The following SMYD3 variants were observed in gnomAD, a reference collection of about 807,000 sequenced individuals.
SMYD3 encodes SET and MYND domain containing 3.
In SMYD3, 36 loss-of-function variants were observed where a neutral mutation model predicts 57.7. The observed-to-expected ratio is 0.62, with a 90% CI of 0.48 to 0.82. SMYD3 has a LOEUF of 0.82. Among genes scored for constraint, SMYD3 ranks in the 40% least tolerant of loss-of-function variants. The probability of loss-of-function intolerance (pLI) is 0.00; values close to 1 mark genes in which losing one functional copy is unlikely to be tolerated. For missense variants in SMYD3, 515 were observed against 538.8 expected (o/e 0.96, Z 0.44); for synonymous variants, 211 against 195.0 (o/e 1.08, Z -0.68).
chr1:245,856,735 G>C (rs527498880), intron 10 of SMYD3, among the ~76,000 whole-genome samples: 2 of 152,326 alleles, frequency 1.3e-5, no homozygotes, highest in East Asian at 1.9e-4. Context: ...AGAGTGGCCC[G>C]AGCAGGGCAG....
At chr1:245,968,004 C>T (rs1186480638) in intron 5 of SMYD3, among the ~76,000 whole-genome samples, 3 of 152,142 alleles carry the variant, frequency 2.0e-5, no homozygotes, top group African/African-American at 7.2e-5. Flanking sequence ...CAGTACACTA[C>T]AATATTTATT....
intron 5 of SMYD3, among the ~76,000 whole-genome samples, chr1:246,301,155 A>C (rs2064886853): frequency 1.3e-5 from 2 of 152,200 alleles, no homozygotes; most frequent in South Asian, 4.1e-4. Context: ...TATTAAGCAT[A>C]AATGGGAACT....
At chr1:246,060,393 A>G (rs2060230882) in intron 5 of SMYD3, among the ~76,000 whole-genome samples, 1 of 152,132 alleles carries the variant, frequency 6.6e-6, no homozygotes, top group Admixed American at 6.5e-5. Flanking sequence ...AGTTCCATAC[A>G]TTTATATGTG....
intron 10 of SMYD3, among the ~76,000 whole-genome samples, chr1:245,816,268 C>A (rs753110513): frequency 2.7e-4 from 41 of 152,062 alleles, no homozygotes; most frequent in Admixed American, 1.6e-3. Flanking sequence ...ACGGCAGCAG[C>A]AAACTCCCCA....
chr1:246,348,060 T>TTATATATATATATATATATATATATATA (rs200573424), intron 2 of SMYD3, among the ~76,000 whole-genome samples: 54 of 82,908 alleles, frequency 6.5e-4, no homozygotes, highest in Admixed American at 8.8e-4. Flanking sequence ...AAAGAAAACG[T>TTATATATATATATATATATATATATATA]TATATATATA....
chr1:245,893,821 A>G (rs1302969798), intron 8 of SMYD3, among the ~76,000 whole-genome samples: 1 of 152,198 alleles, frequency 6.6e-6, no homozygotes, highest in African/African-American at 2.4e-5. Context: ...ACTGTACACT[A>G]AAAAGGGTGA....
At chr1:246,159,030 G>A (rs541103558) in intron 5 of SMYD3, among the ~76,000 whole-genome samples, 22 of 152,196 alleles carry the variant, frequency 1.4e-4, no homozygotes, top group African/African-American at 2.9e-4. Flanking sequence ...CACCACGAGC[G>A]TGTGGAAGAA....
intron 5 of SMYD3, among the ~76,000 whole-genome samples, chr1:246,247,555 CT>C (rs2063729486): frequency 6.6e-6 from 1 of 150,766 alleles, no homozygotes; most frequent in Admixed American, 6.6e-5. Context: ...ATTAATATCT[CT>C]TGTGCGTGGG....
chr1:246,361,994 T>C (rs531139878), intron 1 of SMYD3, among the ~76,000 whole-genome samples: 2 of 152,164 alleles, frequency 1.3e-5, no homozygotes, highest in Admixed American at 6.5e-5. Flanking sequence ...CGCATGGCCC[T>C]GGACCCATAG....
intron 1 of SMYD3, among the ~76,000 whole-genome samples, chr1:246,414,386 A>G (rs1416396239): frequency 6.6e-6 from 1 of 152,220 alleles, no homozygotes; most frequent in Non-Finnish European, 1.5e-5. Flanking sequence ...CCCTGAAGCA[A>G]GCATTGGACA....
At chr1:246,431,058 G>A (rs1480796782) in intron 1 of SMYD3, among the ~76,000 whole-genome samples, 1 of 152,168 alleles carries the variant, frequency 6.6e-6, no homozygotes, top group Non-Finnish European at 1.5e-5. Context: ...CAAGGATGGG[G>A]TAGTCCACAC....
chr1:246,495,195 A>G (rs1421466734), intron 1 of SMYD3, among the ~76,000 whole-genome samples: 1 of 151,804 alleles, frequency 6.6e-6, no homozygotes, highest in African/African-American at 2.4e-5. Flanking sequence ...TAAAAATACA[A>G]AAAATTAGCC....
chr1:245,813,887 T>C (rs1271709111), intron 10 of SMYD3, among the ~76,000 whole-genome samples: 1 of 24,318 alleles, frequency 4.1e-5, no homozygotes, highest in Non-Finnish European at 9.0e-5. Flanking sequence ...TATATATATA[T>C]ATATATATAT....
intron 5 of SMYD3, among the ~76,000 whole-genome samples, chr1:246,173,543 C>A (rs970672517): frequency 2.0e-5 from 3 of 152,076 alleles, no homozygotes; most frequent in South Asian, 2.1e-4. Context: ...TTTTTTATAA[C>A]CTTATTCTAT....
intron 1 of SMYD3, among the ~76,000 whole-genome samples, chr1:246,444,502 G>T (rs996774416): frequency 6.6e-6 from 1 of 152,160 alleles, no homozygotes; most frequent in South Asian, 2.1e-4. Context: ...ATCAAATATT[G>T]TAAGATTTGT....
intron 9 of SMYD3, among the ~76,000 whole-genome samples, chr1:245,860,315 C>G (rs192043038): frequency 5.9e-5 from 9 of 152,308 alleles, no homozygotes; most frequent in Admixed American, 5.9e-4. Context: ...ATGGTCCCCT[C>G]TCCCTCTCTG....
chr1:246,210,579 G>C (rs374994152), intron 5 of SMYD3, among the ~76,000 whole-genome samples: 1 of 151,862 alleles, frequency 6.6e-6, no homozygotes, highest in Non-Finnish European at 1.5e-5. Flanking sequence ...GCGTGGTTGC[G>C]GGCACCTGTA....
intron 1 of SMYD3, among the ~76,000 whole-genome samples, chr1:246,464,244 A>G (rs2103042341): frequency 6.6e-6 from 1 of 152,234 alleles, no homozygotes; most frequent in East Asian, 1.9e-4. Flanking sequence ...GGCCTGGTGC[A>G]GTGGCTCACT....
chr1:246,108,720 C>T (rs995481488), intron 5 of SMYD3: 1 of 152,212 alleles, frequency 6.6e-6, no homozygotes, highest in African/African-American at 2.4e-5. Context: ...GGATAAAGGT[C>T]AGACAACTTA....
Sources: allele counts gnomAD v4.1 joint callset (sites outside exome capture counted in the v4.1 genomes callset), GRCh38; gene constraint gnomAD v4.1.1; transcripts MANE v1.5; gene names NCBI Gene and HGNC (gene_info 2026-07-23, HGNC 2026-07-21).